NRG3: variants seen among roughly 807,000 people sequenced by gnomAD.
The protein encoded by NRG3 is neuregulin 3, also known as pro-neuregulin-3, membrane-bound isoform.
NRG3 carries 31 observed loss-of-function variants against 66.9 expected under a neutral mutation model. That is an observed-to-expected ratio of 0.46 (90% CI 0.35 to 0.63). The LOEUF (loss-of-function observed/expected upper bound fraction) is 0.63. Among genes scored for constraint, NRG3 ranks in the 20% least tolerant of loss-of-function variants. The pLI is 0.00. For synonymous variants in NRG3, 393 were observed against 359.4 expected (o/e 1.09, Z -1.06); for missense variants, 910 against 878.9 (o/e 1.04, Z -0.45).
At chr10:82,976,762 A>G (rs1253683604) in intron 7 of NRG3, among the ~76,000 whole-genome samples, 1 of 152,020 alleles carries the variant, frequency 6.6e-6, no homozygotes, top group African/African-American at 2.4e-5. Context: ...AGGTCATGGC[A>G]CTTGTGTCCC....
chr10:82,068,193 AACT>A (rs1217059906), intron 1 of NRG3, among the ~76,000 whole-genome samples: 11 of 152,232 alleles, frequency 7.2e-5, no homozygotes, highest in Non-Finnish European at 1.5e-4. Flanking sequence ...TTGCAGGAAC[AACT>A]ACTGCAGCTT....
At chr10:82,033,323 TC>T (rs2062654845) in intron 1 of NRG3, among the ~76,000 whole-genome samples, 1 of 152,136 alleles carries the variant, frequency 6.6e-6, no homozygotes, top group Non-Finnish European at 1.5e-5. Flanking sequence ...AACACATTTT[TC>T]CCCTACAGTA....
intron 1 of NRG3, among the ~76,000 whole-genome samples, chr10:82,007,799 T>C (rs1423632391): frequency 6.6e-6 from 1 of 152,178 alleles, no homozygotes; most frequent in East Asian, 1.9e-4. Flanking sequence ...ACAATACCTA[T>C]TTATATGCTA....
chr10:82,304,212 G>A (rs993971695), intron 1 of NRG3, among the ~76,000 whole-genome samples: 4 of 152,074 alleles, frequency 2.6e-5, no homozygotes, highest in African/African-American at 2.4e-5. Flanking sequence ...AAATTGTATC[G>A]CTGTGCAATT....
intron 7 of NRG3, among the ~76,000 whole-genome samples, chr10:82,975,761 G>A (rs1266397593): frequency 3.3e-5 from 5 of 152,132 alleles, no homozygotes; most frequent in Non-Finnish European, 7.4e-5. Flanking sequence ...GAGTTAGAAG[G>A]CCTGAATAGC....
At chr10:82,049,028 C>T (rs1413315523) in intron 1 of NRG3, among the ~76,000 whole-genome samples, 1 of 152,106 alleles carries the variant, frequency 6.6e-6, no homozygotes, top group Non-Finnish European at 1.5e-5. Context: ...GACACATACA[C>T]CCTCCCAGGA....
chr10:82,309,390 AAGTCTT>A (rs2080908125), intron 1 of NRG3, among the ~76,000 whole-genome samples: 1 of 152,166 alleles, frequency 6.6e-6, no homozygotes, highest in Admixed American at 6.5e-5. Flanking sequence ...TAGTATTTCA[AAGTCTT>A]GCAGTATTTT....
intron 2 of NRG3, among the ~76,000 whole-genome samples, chr10:82,631,871 G>A (rs897260140): frequency 6.6e-6 from 1 of 152,052 alleles, no homozygotes; most frequent in Non-Finnish European, 1.5e-5. Context: ...AGAGGCCGAG[G>A]CAGGCAGATC....
chr10:82,104,727 T>G (rs2066956614), intron 1 of NRG3, among the ~76,000 whole-genome samples: 1 of 152,192 alleles, frequency 6.6e-6, no homozygotes, highest in Non-Finnish European at 1.5e-5. Context: ...GATTGCAATT[T>G]AAAAAATATG....
chr10:82,706,545 T>C (rs1035861555), intron 2 of NRG3, among the ~76,000 whole-genome samples: 1 of 152,216 alleles, frequency 6.6e-6, no homozygotes, highest in African/African-American at 2.4e-5. Context: ...GTATATTTTT[T>C]TCACATGTGG....
chr10:81,977,670 T>A (rs1281120068), intron 1 of NRG3, among the ~76,000 whole-genome samples: 1 of 152,212 alleles, frequency 6.6e-6, no homozygotes, highest in Non-Finnish European at 1.5e-5. Flanking sequence ...TATAATCTAT[T>A]TTCTAAATGA....
intron 2 of NRG3, among the ~76,000 whole-genome samples, chr10:82,400,569 T>C (rs1052152955): frequency 8.2e-6 from 1 of 122,286 alleles, no homozygotes; most frequent in Non-Finnish European, 1.6e-5. Flanking sequence ...TGAGGCAGAT[T>C]CTTTTTTTTT....
intron 2 of NRG3, among the ~76,000 whole-genome samples, chr10:82,395,413 A>G (rs970311426): frequency 1.3e-5 from 2 of 152,180 alleles, no homozygotes; most frequent in Non-Finnish European, 2.9e-5. Context: ...GATTCTGCTC[A>G]CCTGATTGAA....
chr10:82,429,438 G>A (rs2089655527), intron 2 of NRG3, among the ~76,000 whole-genome samples: 1 of 151,878 alleles, frequency 6.6e-6, no homozygotes, highest in African/African-American at 2.4e-5. Context: ...TTGGTGCTTT[G>A]AATATGTCAT....
intron 1 of NRG3, among the ~76,000 whole-genome samples, chr10:82,202,371 A>G (rs1438559926): frequency 1.3e-5 from 2 of 152,204 alleles, no homozygotes; most frequent in African/African-American, 4.8e-5. Context: ...GGGTAAATGA[A>G]GGAGCATGTG....
At chr10:82,596,142 A>G (rs1010606455) in intron 2 of NRG3, among the ~76,000 whole-genome samples, 7 of 152,172 alleles carry the variant, frequency 4.6e-5, no homozygotes, top group Non-Finnish European at 7.3e-5. Context: ...CTTGCTTGCA[A>G]AAGGAGCCTT....
chr10:82,645,280 G>A (rs1391866063), intron 2 of NRG3, among the ~76,000 whole-genome samples: 3 of 152,274 alleles, frequency 2.0e-5, no homozygotes, highest in Non-Finnish European at 4.4e-5. Flanking sequence ...TTCTCCTCCA[G>A]CACTTTCTGT....
At chr10:82,660,150 C>G (rs1312087321) in intron 2 of NRG3, among the ~76,000 whole-genome samples, 2 of 122,902 alleles carry the variant, frequency 1.6e-5, no homozygotes, top group African/African-American at 6.3e-5. Context: ...GAGCTGAGAC[C>G]GGGACATTGC....
chr10:82,441,185 AG>A (rs1227739619), intron 2 of NRG3, among the ~76,000 whole-genome samples: 3 of 152,274 alleles, frequency 2.0e-5, no homozygotes, highest in African/African-American at 7.2e-5. Flanking sequence ...GCAAGAAATC[AG>A]GTCCACACGA....
Sources: gnomAD v4.1 joint callset for allele counts (sites outside exome capture counted in the v4.1 genomes callset) on GRCh38, gnomAD v4.1.1 for gene constraint, MANE v1.5 for transcripts, NCBI Gene and HGNC (gene_info 2026-07-23, HGNC 2026-07-21) for gene names.